GLYR1: variants seen among roughly 807,000 people sequenced by gnomAD.
The protein encoded by GLYR1 is glyoxylate reductase 1 homolog.
A neutral mutation model predicts 72.7 loss-of-function variants in GLYR1; 21 were observed. The observed-to-expected ratio is 0.29, with a 90% confidence interval of 0.20 to 0.42. The LOEUF (loss-of-function observed/expected upper bound fraction) is 0.42. Among genes scored for constraint, GLYR1 ranks in the 10% least tolerant of loss-of-function variants. The probability of loss-of-function intolerance (pLI) is 1.00; values close to 1 mark genes in which losing one functional copy is unlikely to be tolerated. For synonymous variants in GLYR1, 392 were observed against 270.2 expected, an observed-to-expected ratio of 1.45 and a Z score of -4.42; for missense variants, 594 against 712.1, an observed-to-expected ratio of 0.83 and a Z score of 1.89.
chr16:4,805,123 A>T lies in GLYR1; in HGVS notation c.*113T>A. On this transcript the variant is annotated 3_prime_UTR_variant, in exon 16 of 16. Transcript: ENST00000321919. ...TGGCAAGTCTCAAAGTCTGTATAAAAGGAAATGGAGATAGGTGGGCTGGTC... is the reference window on the plus strand; with the variant it reads ...TGGCAAGTCTCAAAGTCTGTATAAATGGAAATGGAGATAGGTGGGCTGGTC... 1.2e-6 allele frequency: 1 copy of T among 853,498 alleles called. No homozygotes were observed. Among genetic ancestry groups the T allele is most frequent in the East Asian group, 2.5e-5 (1 of 40,348 alleles). 52.9% of individuals were successfully genotyped at this position (853,498 alleles called of 1,614,324 possible). A position where few individuals can be genotyped will look rare whatever the true frequency, so the allele number is the denominator to read the frequency against.
intron 15 of GLYR1, 104 bp from the exon 16 acceptor site, chr16:4,805,414 G>A: frequency 1.1e-6 from 1 of 930,866 alleles, no homozygotes. Context: ...GGCAGTGCTG[G>A]AGCCCAGGCT....
chr16:4,805,190 G>C lies in GLYR1; in HGVS notation c.*46C>G, dbSNP rs773446707. The C allele has an allele frequency of 5.7e-5, 87 of 1,527,366 alleles. No individual in the cohort carries two copies. Among genetic ancestry groups the C allele is most frequent in the Admixed American group, 3.5e-4 (21 of 59,286 alleles). 94.6% of individuals were successfully genotyped at this position (1,527,366 alleles called of 1,614,324 possible). On this transcript the variant is annotated 3_prime_UTR_variant, in exon 16 of 16. Transcript: ENST00000321919. ...GCCCCCGACCCCATGTGAGGAAGAG[G>C]GGGTCAGAGGGGGGATTGGAGGGGT...
At chr16:4,819,161 T>G (rs1362388193) in intron 9 of GLYR1, among the ~76,000 whole-genome samples, 1 of 152,106 alleles carries the variant, frequency 6.6e-6, no homozygotes. Context: ...TTTTATAGTT[T>G]TTAATTTTTA....
chr16:4,813,630 C>G (rs907146173), intron 12 of GLYR1, 107 bp downstream of exon 12: 2 of 956,656 alleles, frequency 2.1e-6, no homozygotes, highest in Non-Finnish European at 3.2e-6. Flanking sequence ...CTCCTCTTCC[C>G]TCTCTGGCTT....
intron 9 of GLYR1, among the ~76,000 whole-genome samples, chr16:4,820,751 T>C (rs957372310): frequency 6.6e-6 from 1 of 152,232 alleles, no homozygotes; most frequent in East Asian, 1.9e-4. Flanking sequence ...AGGTATCTTT[T>C]TGCCAACAAG....
rs748255867 is a variant in GLYR1, at chr16:4,811,304, A to G, written c.1463-10T>C. 4 of 1,613,280 alleles carry G rather than the reference A, an allele frequency of 2.5e-6. No individual in the cohort carries two copies. The highest frequency in any genetic ancestry group is 3.4e-6 in the Non-Finnish European group (4 of 1,179,780). ...TTTCCTTGCAGGATATCTGAGGAGA[A>G]AAAGCCAGTATCAGACAAAAGCCAA... On this transcript the variant is annotated splice_polypyrimidine_tract_variant and intron_variant, in intron 14 of 15. Coordinates refer to ENST00000321919, the MANE Select transcript of GLYR1 (RefSeq NM_032569.4).
Position 4,821,309 on chromosome 16 carries a change from C to G in GLYR1, c.806+71G>C, listed in dbSNP as rs1003322825. The G allele has an allele frequency of 2.5e-5, 38 of 1,512,426 alleles. No homozygotes were observed. The Admixed American group carries it at 6.3e-4, about 25-fold the overall frequency. 93.7% of individuals were successfully genotyped at this position (1,512,426 alleles called of 1,614,324 possible). A position where few individuals can be genotyped will look rare whatever the true frequency, so the allele number is the denominator to read the frequency against. ...CTGGGACACAACCCTTAAAGAACCC[C>G]CCTGGGGTCACCTTCTCCCCACCCT... On this transcript the variant is annotated intron_variant, in intron 9 of 15. Transcript: ENST00000321919.
At chr16:4,817,847 G>T in intron 9 of GLYR1, 150 bp from the exon 10 acceptor site, 1 of 632,148 alleles carries the variant, frequency 1.6e-6, no homozygotes, top group South Asian at 1.8e-5. Context: ...TACCTGCAGA[G>T]CCAGGGGCGT....
chr16:4,805,209 G>C lies in GLYR1; in HGVS notation c.*27C>G, dbSNP rs1323962126. Reference sequence around the variant, plus strand: ...GAAGAGGGGGTCAGAGGGGGGATTGGAGGGGTGAGGGCGGGGTGTCGACAG... The same window carrying C: ...GAAGAGGGGGTCAGAGGGGGGATTGCAGGGGTGAGGGCGGGGTGTCGACAG... On this transcript the variant is annotated 3_prime_UTR_variant, in exon 16 of 16. Coordinates refer to ENST00000321919, the MANE Select transcript of GLYR1 (RefSeq NM_032569.4). 4 of 1,606,306 alleles carry C rather than the reference G, an allele frequency of 2.5e-6. No homozygotes were observed. The South Asian group carries it at 3.3e-5, about 13-fold the overall frequency.
intron 5 of GLYR1, among the ~76,000 whole-genome samples, chr16:4,826,463 A>G (rs1488249791): frequency 2.0e-5 from 3 of 152,198 alleles, no homozygotes; most frequent in Non-Finnish European, 4.4e-5. Context: ...TAGAAAAGCA[A>G]GAACTCTGCC....
rs758063528 is a variant in GLYR1 at position 4,847,261 on chromosome 16, G to A, written c.5C>T (p.Ala2Val). The A allele has an allele frequency of 1.6e-5, 26 of 1,609,924 alleles. No homozygotes were observed. Among genetic ancestry groups the A allele is most frequent in the Non-Finnish European group, 1.8e-5 (21 of 1,178,994 alleles). The change falls in exon 1 of 16, where the codon GCG becomes GTG. Residue 2 changes from alanine (A) to valine (V), a missense_variant. Coordinates refer to ENST00000321919, the MANE Select transcript of GLYR1 (RefSeq NM_032569.4). ...GTCGCCGAGCCGCAGACTCACAGCC[G>A]CCATCTTACCACCCAACCACCGCCG... M[A>V]AVSLRLGDLV...
intron 3 of GLYR1, among the ~76,000 whole-genome samples, chr16:4,837,597 A>T (rs1017749850): frequency 6.6e-6 from 1 of 152,082 alleles, no homozygotes; most frequent in South Asian, 2.1e-4. Context: ...GACGGGGAGA[A>T]GATGGCAGGG....
chr16:4,836,026 T>C (rs943229068), intron 3 of GLYR1, among the ~76,000 whole-genome samples: 1 of 152,174 alleles, frequency 6.6e-6, no homozygotes, highest in Admixed American at 6.5e-5. Flanking sequence ...CTCGAACTCC[T>C]GAACTCAAGT....
intron 3 of GLYR1, among the ~76,000 whole-genome samples, chr16:4,834,854 C>T (rs75963869): frequency 0.018 from 2,697 of 152,238 alleles, 43 homozygotes; most frequent in Non-Finnish European, 0.029. Context: ...AAGGAGATTT[C>T]GACCCCAGAT....
chr16:4,813,106 G>A (rs1271872997), intron 12 of GLYR1, among the ~76,000 whole-genome samples: 1 of 152,084 alleles, frequency 6.6e-6, no homozygotes, highest in Non-Finnish European at 1.5e-5. Context: ...GGGACTACAG[G>A]TGCCCGCCAC....
chr16:4,840,768 A>T (rs1031448094), intron 3 of GLYR1, among the ~76,000 whole-genome samples: 1 of 152,240 alleles, frequency 6.6e-6, no homozygotes, highest in African/African-American at 2.4e-5. Context: ...TCAGGGAGCA[A>T]GGTGGAACCG....
chr16:4,808,991 G>C (rs927910054), intron 15 of GLYR1, among the ~76,000 whole-genome samples: 1 of 152,034 alleles, frequency 6.6e-6, no homozygotes, highest in African/African-American at 2.4e-5. Context: ...CACGTGTTAA[G>C]TGCTTAAAAC....
intron 5 of GLYR1, among the ~76,000 whole-genome samples, chr16:4,827,760 C>T (rs1458494332): frequency 6.6e-6 from 1 of 151,898 alleles, no homozygotes; most frequent in Non-Finnish European, 1.5e-5. Context: ...ATTAGCCGGG[C>T]GTGGTGGCGG....
chr16:4,824,382 C>T (rs1314165016), intron 5 of GLYR1, among the ~76,000 whole-genome samples: 1 of 151,848 alleles, frequency 6.6e-6, no homozygotes, highest in Non-Finnish European at 1.5e-5. Flanking sequence ...CACCTGTACT[C>T]CCAGCTACTC....
Sources: gnomAD v4.1 joint callset for allele counts (sites outside exome capture counted in the v4.1 genomes callset) on GRCh38, gnomAD v4.1.1 for gene constraint, MANE v1.5 for transcripts, NCBI Gene and HGNC (gene_info 2026-07-23, HGNC 2026-07-21) for gene names.